Variants in MINAR1 observed in about 807,000 individuals in gnomAD.
MINAR1 encodes the protein major intrinsically disordered Notch2-binding receptor 1.
MINAR1 carries 40 observed loss-of-function variants against 65.1 expected under a neutral mutation model. That is an observed-to-expected ratio of 0.61 (90% CI 0.48 to 0.80). The LOEUF (loss-of-function observed/expected upper bound fraction) is 0.80. MINAR1 is among the 30% of genes least tolerant of loss of function. The pLI, the probability that MINAR1 is intolerant of heterozygous loss-of-function variation, is 0.00. For synonymous variants in MINAR1, 482 were observed against 449.1 expected (o/e 1.07, Z -0.93); for missense variants, 1,128 against 1,148.0 (o/e 0.98, Z 0.25).
chr15:79,448,157 A>C (rs1895073581), intron 1 of MINAR1, among the ~76,000 whole-genome samples: 1 of 152,244 alleles, frequency 6.6e-6, no homozygotes, highest in Non-Finnish European at 1.5e-5. Context: ...TGAGGTGTTC[A>C]TAATCAGAGT....
chr15:79,437,121 AC>A (rs2141275141), intron 1 of MINAR1, among the ~76,000 whole-genome samples: 1 of 152,340 alleles, frequency 6.6e-6, no homozygotes, highest in East Asian at 1.9e-4. Flanking sequence ...AAACAAACAA[AC>A]AAAGATCAAC....
rs1896069350 is a variant in MINAR1 at position 79,471,286 on chromosome 15, A to C, written c.*2902A>C. 1 of 152,604 alleles carries C rather than the reference A, an allele frequency of 6.6e-6. No homozygotes were observed. Among genetic ancestry groups the C allele is most frequent in the African/African-American group, 2.4e-5 (1 of 41,470 alleles). 9.5% of individuals were successfully genotyped at this position (152,604 alleles called of 1,614,324 possible). A position where few individuals can be genotyped will look rare whatever the true frequency, so the allele number is the denominator to read the frequency against. On this transcript the variant is annotated 3_prime_UTR_variant, in exon 4 of 4. Coordinates refer to ENST00000305428, the MANE Select transcript of MINAR1 (RefSeq NM_015206.3). ...TCGTTTTTCCTGCATTTTAAAAGTA[A>C]TAAAATATTATTTGAGATTATTTTG...
At chr15:79,434,144 C>T (rs960596980) in intron 1 of MINAR1, among the ~76,000 whole-genome samples, 2 of 152,154 alleles carry the variant, frequency 1.3e-5, no homozygotes, top group African/African-American at 2.4e-5. Context: ...TGTCAGTTGC[C>T]AGAGAAAGAA....
At chr15:79,448,604 C>A (rs1340907893) in intron 1 of MINAR1, among the ~76,000 whole-genome samples, 1 of 152,146 alleles carries the variant, frequency 6.6e-6, no homozygotes, top group African/African-American at 2.4e-5. Context: ...CTTTCGTGAG[C>A]GTGAAATGAG....
Position 79,456,918 on chromosome 15 carries a change from G to C in MINAR1, c.771G>C (p.Arg257Ser). 2 of 1,614,138 alleles carry C rather than the reference G, an allele frequency of 1.2e-6. No homozygotes were observed. Among genetic ancestry groups the C allele is most frequent in the East Asian group, 4.5e-5 (2 of 44,882 alleles). ...PFVVQSCVQK[R>S]NIFKEDFHNL... ...TGGTCCAGTCCTGTGTCCAGAAAAG[G>C]AATATCTTCAAAGAGGATTTTCACA... The change falls in exon 2 of 4, where the codon AGG becomes AGC. Residue 257 changes from arginine to serine, a missense_variant. Physicochemically the swap from Arg to Ser is moderately radical, Grantham distance 110. Coordinates refer to ENST00000305428, the MANE Select transcript of MINAR1 (RefSeq NM_015206.3).
chr15:79,427,997 G>A (rs79371852), upstream of MINAR1, among the ~76,000 whole-genome samples: 5,724 of 152,244 alleles, frequency 0.038, 141 homozygotes, highest in South Asian at 0.1. Flanking sequence ...CGTTTTGTCG[G>A]CCAGCAAAGC....
chr15:79,453,815 G>T (rs974181801), intron 1 of MINAR1, among the ~76,000 whole-genome samples: 1 of 152,156 alleles, frequency 6.6e-6, no homozygotes, highest in African/African-American at 2.4e-5. Context: ...TCCAAATAGG[G>T]TTTTTGACCT....
chr15:79,423,261 G>A, the MINAR1 span: 2 of 152,068 alleles, frequency 1.3e-5, no homozygotes, highest in African/African-American at 4.8e-5. Flanking sequence ...TATGTTGATG[G>A]TGAAACAAAT....
At chr15:79,452,076 G>A (rs774992315) in intron 1 of MINAR1, among the ~76,000 whole-genome samples, 1 of 152,078 alleles carries the variant, frequency 6.6e-6, no homozygotes, top group African/African-American at 2.4e-5. Context: ...GTGTGAATGT[G>A]TTTGTGGATG....
intron 1 of MINAR1, among the ~76,000 whole-genome samples, chr15:79,450,800 T>C (rs183170010): frequency 5.8e-4 from 89 of 152,346 alleles, no homozygotes; most frequent in Non-Finnish European, 1.1e-3. Flanking sequence ...AAAATACTCC[T>C]TTTTTATAAC....
chr15:79,437,345 G>A (rs1215180013), intron 1 of MINAR1, among the ~76,000 whole-genome samples: 3 of 152,030 alleles, frequency 2.0e-5, no homozygotes, highest in Non-Finnish European at 4.4e-5. Context: ...AGTGAGTAGT[G>A]ATTGAGTGTG....
upstream of MINAR1, among the ~76,000 whole-genome samples, chr15:79,428,840 T>C (rs1184509749): frequency 6.6e-6 from 1 of 152,094 alleles, no homozygotes; most frequent in African/African-American, 2.4e-5. Flanking sequence ...GATTAAAAAG[T>C]ATTAATGTGT....
rs950180794 is a variant in MINAR1 at position 79,469,946 on chromosome 15, A to G, written c.*1562A>G. ...TAGCATCCATTCTGAAAAATCGCAA[A>G]TAATGCTTAGCTTGCTGTGTCTGAT... On this transcript the variant is annotated 3_prime_UTR_variant, in exon 4 of 4. Transcript: ENST00000305428. The G allele has an allele frequency of 3.3e-5, 5 of 152,622 alleles. No homozygotes were observed. The highest frequency in any genetic ancestry group is 9.7e-5 in the African/African-American group (4 of 41,434). 9.5% of individuals were successfully genotyped at this position (152,622 alleles called of 1,614,324 possible).
chr15:79,467,182 T>G (rs1567063459), intron 3 of MINAR1, among the ~76,000 whole-genome samples: 1 of 152,238 alleles, frequency 6.6e-6, no homozygotes, highest in Non-Finnish European at 1.5e-5. Flanking sequence ...TTTAAAACTT[T>G]GAAAGGTTTG....
chr15:79,439,721 G>C (rs1024207545), intron 1 of MINAR1, among the ~76,000 whole-genome samples: 67 of 151,986 alleles, frequency 4.4e-4, no homozygotes, highest in African/African-American at 1.6e-3. Flanking sequence ...CTCATTTATA[G>C]TTTTGTCCTG....
chr15:79,442,859 A>G (rs1894910676), intron 1 of MINAR1, among the ~76,000 whole-genome samples: 1 of 151,844 alleles, frequency 6.6e-6, no homozygotes, highest in Non-Finnish European at 1.5e-5. Context: ...GTGAAATTAA[A>G]CGGATGTTAA....
At chr15:79,441,158 C>G (rs1262904887) in intron 1 of MINAR1, among the ~76,000 whole-genome samples, 1 of 152,080 alleles carries the variant, frequency 6.6e-6, no homozygotes, top group South Asian at 2.1e-4. Context: ...GCTTGCAAAT[C>G]CTTTCTTCTT....
chr15:79,452,529 GGTGAGTGTGTGGGT>G (rs1346439190), intron 1 of MINAR1, among the ~76,000 whole-genome samples: 1 of 135,322 alleles, frequency 7.4e-6, no homozygotes, highest in African/African-American at 2.5e-5. Context: ...GGTATGACTG[GGTGAGTGTGTGGGT>G]GTGTGTGGGT....
At chr15:79,455,569 A>G (rs1389264526) in intron 1 of MINAR1, among the ~76,000 whole-genome samples, 6 of 152,156 alleles carry the variant, frequency 3.9e-5, no homozygotes, top group Admixed American at 3.9e-4. Context: ...CCTCACATCC[A>G]GGTCTTGGCA....
Sources: allele counts gnomAD v4.1 joint callset (sites outside exome capture counted in the v4.1 genomes callset), GRCh38; gene constraint gnomAD v4.1.1; transcripts MANE v1.5; gene names NCBI Gene and HGNC (gene_info 2026-07-23, HGNC 2026-07-21).